IL1RAPL1: variants seen among roughly 807,000 people sequenced by gnomAD.
The protein encoded by IL1RAPL1 is interleukin 1 receptor accessory protein like 1, also known as interleukin-1 receptor accessory protein-like 1.
A neutral mutation model predicts 48.4 loss-of-function variants in IL1RAPL1; 3 were observed. The ratio of observed to expected loss-of-function variants is 0.06; its 90% CI spans 0.03 to 0.16. The LOEUF (loss-of-function observed/expected upper bound fraction) is 0.16, where lower values mean the gene tolerates loss of function less well. IL1RAPL1 is among the 10% of genes least tolerant of loss of function. IL1RAPL1 has a pLI of 1.00. For missense variants in IL1RAPL1, 349 were observed against 530.6 expected (o/e 0.66, Z 3.36); for synonymous variants, 185 against 187.7 (o/e 0.99, Z 0.12).
intron 2 of IL1RAPL1, among the ~76,000 whole-genome samples, chrX:29,247,087 AT>A (rs1304554065): frequency 8.9e-6 from 1 of 112,153 alleles, no homozygotes; most frequent in Non-Finnish European, 1.9e-5. Context: ...GAAGTCATAT[AT>A]TCTGTTTTAT....
chrX:29,700,126 T>C (rs1927012450), intron 6 of IL1RAPL1, among the ~76,000 whole-genome samples: 1 of 110,906 alleles, frequency 9.0e-6, no homozygotes, highest in Admixed American at 9.6e-5. Flanking sequence ...AGGTTTAAAA[T>C]CCTATTGAAT....
intron 6 of IL1RAPL1, among the ~76,000 whole-genome samples, chrX:29,890,713 A>G (rs1360140124): frequency 8.9e-6 from 1 of 111,889 alleles, no homozygotes; most frequent in African/African-American, 3.3e-5. Flanking sequence ...TGTTTTAACC[A>G]TCCTAAGATT....
At chrX:28,859,257 C>T (rs1286785300) in intron 2 of IL1RAPL1, among the ~76,000 whole-genome samples, 1 of 111,883 alleles carries the variant, frequency 8.9e-6, no homozygotes, top group Non-Finnish European at 1.9e-5. Flanking sequence ...AAGATCTTAG[C>T]TATTGATTGA....
In IL1RAPL1 at chrX:29,829,155, TACACACACACACACACACACACACACAC is replaced by T. The variant is rs57560936; in HGVS notation, c.779-88279_779-88252del. On this transcript the variant is annotated intron_variant, in intron 6 of 10. Transcript: ENST00000378993. Reference sequence around the variant, plus strand: ...GAGCCAGGAACCATGGACAAAAACCTACACACACACACACACACACACACACACACACACACACACACACACACACACA... The same window carrying T: ...GAGCCAGGAACCATGGACAAAAACCTACACACACACACACACACACACACA... Among the ~76,000 whole-genome samples, 9 of 61,881 alleles carry T rather than the reference TACACACACACACACACACACACACACAC, an allele frequency of 1.5e-4. No homozygotes were observed. In the South Asian group the frequency reaches 5.1e-3, roughly 35 times the overall value. The allele number at this position is 61,881 out of a possible 115,157, so 53.7% of individuals were successfully genotyped here.
rs905578300 is a variant in IL1RAPL1 at position 29,516,279 on chromosome X, A to T, written c.703+116971A>T. Among the ~76,000 whole-genome samples, 7 of 112,364 alleles carry T rather than the reference A, an allele frequency of 6.2e-5. No homozygotes were observed. In the South Asian group the frequency reaches 2.6e-3, roughly 41 times the overall value. On this transcript the variant is annotated intron_variant, in intron 5 of 10. Coordinates refer to ENST00000378993, the MANE Select transcript of IL1RAPL1 (RefSeq NM_014271.4). ...GGCTTTTATTTACCTATGTATTCTT[A>T]AAAATCTATGGAATGTGTTCTAGAT...
intron 5 of IL1RAPL1, among the ~76,000 whole-genome samples, chrX:29,657,524 A>T (rs1302550722): frequency 1.8e-5 from 2 of 112,165 alleles, no homozygotes; most frequent in Admixed American, 9.5e-5. Flanking sequence ...ATTATACTAT[A>T]CTTTAGAAAT....
intron 9 of IL1RAPL1, among the ~76,000 whole-genome samples, chrX:29,947,294 T>C (rs1178339334): frequency 7.1e-5 from 8 of 111,994 alleles, no homozygotes; most frequent in Non-Finnish European, 1.5e-4. Flanking sequence ...AATCCTACTT[T>C]ATATATTTTT....
intron 5 of IL1RAPL1, among the ~76,000 whole-genome samples, chrX:29,617,978 A>C (rs1396551246): frequency 2.7e-5 from 3 of 111,721 alleles, no homozygotes; most frequent in Non-Finnish European, 5.6e-5. Context: ...TAAAGATCCA[A>C]TCTTTCTACC....
At chrX:29,541,937 A>G (rs1052431792) in intron 5 of IL1RAPL1, among the ~76,000 whole-genome samples, 18 of 111,586 alleles carry the variant, frequency 1.6e-4, no homozygotes, top group South Asian at 1.5e-3. Context: ...AAAAGTTGAA[A>G]AAAATGACAT....
At chrX:28,902,177 T>TTC (rs1159045882) in intron 2 of IL1RAPL1, among the ~76,000 whole-genome samples, 1 of 109,718 alleles carries the variant, frequency 9.1e-6, no homozygotes, top group Non-Finnish European at 1.9e-5. Flanking sequence ...TTATCCTTTT[T>TTC]TTTTTTCTTT....
intron 5 of IL1RAPL1, among the ~76,000 whole-genome samples, chrX:29,463,821 C>A (rs1934830921): frequency 9.0e-6 from 1 of 111,431 alleles, no homozygotes; most frequent in Admixed American, 9.6e-5. Flanking sequence ...TGTCTAGAGA[C>A]ATACTCTGGG....
intron 2 of IL1RAPL1, among the ~76,000 whole-genome samples, chrX:28,838,327 A>G (rs1487320723): frequency 9.0e-6 from 1 of 111,456 alleles, no homozygotes; most frequent in African/African-American, 3.3e-5. Context: ...TTCCCTGGCC[A>G]GTATACTTTC....
At chrX:28,931,336 G>A (rs1923877011) in intron 2 of IL1RAPL1, among the ~76,000 whole-genome samples, 1 of 111,877 alleles carries the variant, frequency 8.9e-6, no homozygotes, top group Admixed American at 9.5e-5. Context: ...GCTAGTAAAT[G>A]CTTTGTATGA....
At chrX:28,854,928 T>C (rs1921764257) in intron 2 of IL1RAPL1, among the ~76,000 whole-genome samples, 1 of 111,859 alleles carries the variant, frequency 8.9e-6, no homozygotes, top group African/African-American at 3.2e-5. Context: ...AGTAAATGGT[T>C]GTATTAAGCA....
intron 1 of IL1RAPL1, among the ~76,000 whole-genome samples, chrX:28,666,129 A>G (rs1345926547): frequency 1.8e-5 from 2 of 111,410 alleles, no homozygotes; most frequent in African/African-American, 6.5e-5. Flanking sequence ...TCTGGTCCCC[A>G]CTAGGCTGTG....
intron 2 of IL1RAPL1, among the ~76,000 whole-genome samples, chrX:29,005,213 A>G: frequency 8.9e-6 from 1 of 111,960 alleles, no homozygotes; most frequent in East Asian, 2.8e-4. Context: ...TGATCTACTA[A>G]TTCATTATTA....
At chrX:29,458,006 C>G (rs768845560) in intron 5 of IL1RAPL1, among the ~76,000 whole-genome samples, 154 of 112,029 alleles carry the variant, frequency 1.4e-3, no homozygotes, top group African/African-American at 5.0e-3. Flanking sequence ...TCTCGAACTC[C>G]TAACCCCAAG....
chrX:29,490,865 T>TATACGTATATATATATATACGTATATA (rs778859346), intron 5 of IL1RAPL1, among the ~76,000 whole-genome samples: 1 of 107,593 alleles, frequency 9.3e-6, no homozygotes, highest in African/African-American at 3.6e-5. Flanking sequence ...TATATATATA[T>TATACGTATATATATATATACGTATATA]TCTGAGTGTG....
intron 2 of IL1RAPL1, among the ~76,000 whole-genome samples, chrX:29,093,595 A>G (rs1227287149): frequency 8.9e-6 from 1 of 111,812 alleles, no homozygotes. Flanking sequence ...GGGATAAAGT[A>G]GAAGAACACG....
Sources: gnomAD v4.1 joint callset for allele counts (sites outside exome capture counted in the v4.1 genomes callset) on GRCh38, gnomAD v4.1.1 for gene constraint, MANE v1.5 for transcripts, NCBI Gene and HGNC (gene_info 2026-07-23, HGNC 2026-07-21) for gene names.